PHLPP2: variants seen among roughly 807,000 people sequenced by gnomAD.
PHLPP2 encodes PH domain and leucine rich repeat protein phosphatase 2.
A neutral mutation model predicts 124.9 loss-of-function variants in PHLPP2; 66 were observed. That is an observed-to-expected ratio of 0.53 (90% CI 0.43 to 0.65). The LOEUF (loss-of-function observed/expected upper bound fraction) is 0.65, where lower values mean the gene tolerates loss of function less well. Ranked by LOEUF, PHLPP2 falls within the 30% of genes least tolerant of loss-of-function variation. The pLI is 0.00. For missense variants in PHLPP2, 1,685 were observed against 1,600.4 expected (o/e 1.05, Z -0.90); for synonymous variants, 681 against 624.7 (o/e 1.09, Z -1.34).
chr16:71,720,843 G>C (rs1185589518), intron 1 of PHLPP2, among the ~76,000 whole-genome samples: 3 of 138,342 alleles, frequency 2.2e-5, no homozygotes, highest in Non-Finnish European at 4.6e-5. Flanking sequence ...CAACAAGAGC[G>C]AAACTCCACC....
In PHLPP2 at chr16:71,714,675, T is replaced by C. The variant is rs749413725; in HGVS notation, c.121A>G (p.Thr41Ala). ...GCVYLYGADT[T>A]TATTTTTTSS... ...GTGGTGGTGGTTGTAGTGGCAGTGG[T>C]AGTGTCTGCTCCATAAAGGTAAACA... Residue 41 changes from threonine (T) to alanine (A), a missense_variant, in exon 2 of 19, where the codon ACC becomes GCC. Coordinates refer to ENST00000568954, the MANE Select transcript of PHLPP2 (RefSeq NM_015020.3). The C allele has an allele frequency of 1.2e-6, 2 of 1,613,440 alleles. No individual in the cohort carries two copies. The highest frequency in any genetic ancestry group is 3.3e-5 in the Admixed American group (2 of 59,944).
chr16:71,656,955 A>T (rs886284285), intron 15 of PHLPP2, among the ~76,000 whole-genome samples: 2 of 148,694 alleles, frequency 1.3e-5, no homozygotes, highest in Admixed American at 6.7e-5. Context: ...TTATTTATTT[A>T]TTTTTTTGAG....
At chr16:71,650,986 C>T (rs1294171267) in intron 18 of PHLPP2, among the ~76,000 whole-genome samples, 1 of 152,142 alleles carries the variant, frequency 6.6e-6, no homozygotes, top group African/African-American at 2.4e-5. Context: ...ACAATAAATG[C>T]TTGTGGCTAA....
intron 4 of PHLPP2, among the ~76,000 whole-genome samples, chr16:71,688,719 C>A (rs2045078118): frequency 6.7e-6 from 1 of 150,306 alleles, no homozygotes; most frequent in Admixed American, 6.7e-5. Flanking sequence ...CTCCACCAAT[C>A]CCCAGCCTTG....
At chr16:71,719,994 G>A (rs141284020) in intron 1 of PHLPP2, among the ~76,000 whole-genome samples, 721 of 46,158 alleles carry the variant, frequency 0.016, 12 homozygotes, top group African/African-American at 0.064. Context: ...TTTTTGAGAC[G>A]GAGTGTCGCT....
chr16:71,697,230 G>C (rs1397430325), intron 3 of PHLPP2, among the ~76,000 whole-genome samples: 1 of 149,842 alleles, frequency 6.7e-6, no homozygotes, highest in Non-Finnish European at 1.5e-5. Flanking sequence ...AGAAACTCAG[G>C]GTCTGCAATT....
At chr16:71,675,174 C>T (rs2044934922) in intron 9 of PHLPP2, among the ~76,000 whole-genome samples, 1 of 152,212 alleles carries the variant, frequency 6.6e-6, no homozygotes, top group African/African-American at 2.4e-5. Flanking sequence ...TTACCAGTCA[C>T]CTCTCACTGG....
intron 16 of PHLPP2, 150 bp downstream of exon 16, chr16:71,656,421 T>A: frequency 1.8e-6 from 1 of 553,688 alleles, no homozygotes; most frequent in Non-Finnish European, 3.2e-6. Context: ...GTTATCATGA[T>A]CCCAAAGGGA....
chr16:71,700,831 T>C (rs1210928981), intron 3 of PHLPP2, among the ~76,000 whole-genome samples: 1 of 152,172 alleles, frequency 6.6e-6, no homozygotes, highest in Non-Finnish European at 1.5e-5. Context: ...GGCCTGTGAC[T>C]CATTTCTTAA....
At chr16:71,712,009 C>A (rs376178883) in intron 2 of PHLPP2, among the ~76,000 whole-genome samples, 8 of 152,372 alleles carry the variant, frequency 5.3e-5, no homozygotes, top group African/African-American at 1.9e-4. Flanking sequence ...GGCATTCCAA[C>A]TGCAGGGCAG....
chr16:71,714,960 A>C (rs1358411523), intron 1 of PHLPP2, 159 bp from the exon 2 acceptor site: 16 of 849,330 alleles, frequency 1.9e-5, no homozygotes. Flanking sequence ...GCTCATTCGT[A>C]ATAACTCAGA....
chr16:71,706,431 G>A (rs1031782335), intron 2 of PHLPP2, among the ~76,000 whole-genome samples: 6 of 151,972 alleles, frequency 3.9e-5, no homozygotes, highest in African/African-American at 1.2e-4. Flanking sequence ...TTAATAGTGG[G>A]GTGGCCAAAC....
chr16:71,658,433 A>G (rs1374812933), intron 14 of PHLPP2, 70 bp from the exon 15 acceptor site: 13 of 1,392,148 alleles, frequency 9.3e-6, no homozygotes, highest in Admixed American at 2.1e-5. Flanking sequence ...CAAGTGTCCA[A>G]TCTCTTACTA....
At chr16:71,715,933 T>C (rs563882107) in intron 1 of PHLPP2, among the ~76,000 whole-genome samples, 35 of 151,476 alleles carry the variant, frequency 2.3e-4, no homozygotes, top group Non-Finnish European at 3.8e-4. Context: ...GAGGCAGAGA[T>C]TGCAGTGAGC....
intron 1 of PHLPP2, among the ~76,000 whole-genome samples, chr16:71,719,141 T>C (rs2045381655): frequency 6.6e-6 from 1 of 152,230 alleles, no homozygotes; most frequent in South Asian, 2.1e-4. Context: ...TATTTTCCCC[T>C]TACTCTTATA....
chr16:71,649,811 C>G lies in PHLPP2; in HGVS notation c.3051G>C (p.Ala1017=). Residue 1017 remains alanine (A), a synonymous_variant, in exon 19 of 19, where the codon GCG becomes GCC. Transcript: ENST00000568954. ...CATTGTCCTGACAGCCATAGCTCTG[C>G]GCTAATGTGCACAGCTTCTTAGCAG... The part of the protein sequence containing the change: ...LAAAKKLCTL[A]QSYGCQDNVG... The G allele has an allele frequency of 6.2e-7, 1 of 1,614,190 alleles. No homozygotes were observed. The highest frequency in any genetic ancestry group is 8.5e-7 in the Non-Finnish European group (1 of 1,180,008).
chr16:71,650,800 G>A (rs2044690607), intron 18 of PHLPP2, among the ~76,000 whole-genome samples: 2 of 152,132 alleles, frequency 1.3e-5, no homozygotes, highest in African/African-American at 2.4e-5. Context: ...GAGCTTATTC[G>A]CCAGAATTTG....
intron 4 of PHLPP2, among the ~76,000 whole-genome samples, chr16:71,686,698 T>C (rs1200459573): frequency 1.3e-5 from 2 of 152,202 alleles, no homozygotes; most frequent in East Asian, 1.9e-4. Flanking sequence ...AAATAGACTT[T>C]TGTATCTGGC....
At chr16:71,699,204 G>A (rs2045204720) in intron 3 of PHLPP2, among the ~76,000 whole-genome samples, 1 of 152,180 alleles carries the variant, frequency 6.6e-6, no homozygotes, top group African/African-American at 2.4e-5. Context: ...GACAGGGACA[G>A]GTGCCCAGCA....
Sources: allele counts gnomAD v4.1 joint callset (sites outside exome capture counted in the v4.1 genomes callset), GRCh38; gene constraint gnomAD v4.1.1; transcripts MANE v1.5; gene names NCBI Gene and HGNC (gene_info 2026-07-23, HGNC 2026-07-21).